Variants in KDM7A observed in about 807,000 individuals in gnomAD.
KDM7A encodes lysine-specific demethylase 7A.
Under a neutral mutation model 114.8 loss-of-function variants are expected in KDM7A, and 28 were observed. That is an observed-to-expected ratio of 0.24 (90% CI 0.18 to 0.33). The LOEUF (loss-of-function observed/expected upper bound fraction) is 0.33, where lower values mean the gene tolerates loss of function less well. Ranked by LOEUF, KDM7A falls within the 10% of genes least tolerant of loss-of-function variation. The probability of loss-of-function intolerance (pLI) is 1.00; values close to 1 mark genes in which losing one functional copy is unlikely to be tolerated. For missense variants in KDM7A, 942 were observed against 1,142.5 expected (o/e 0.82, Z 2.53); for synonymous variants, 423 against 397.8 (o/e 1.06, Z -0.75).
intron 1 of KDM7A, among the ~76,000 whole-genome samples, chr7:140,167,169 T>C (rs1794585885): frequency 6.6e-6 from 1 of 152,184 alleles, no homozygotes; most frequent in Non-Finnish European, 1.5e-5. Context: ...ATTATTAACA[T>C]ATCAGCTCTC....
At chr7:140,104,472 C>T (rs998626660) in intron 11 of KDM7A, among the ~76,000 whole-genome samples, 14 of 152,240 alleles carry the variant, frequency 9.2e-5, no homozygotes, top group South Asian at 6.2e-4. Flanking sequence ...CCATCTTGAA[C>T]TAATTTTTGC....
At chr7:140,117,553 A>AG (rs1308144220) in intron 9 of KDM7A, among the ~76,000 whole-genome samples, 2 of 152,168 alleles carry the variant, frequency 1.3e-5, no homozygotes, top group African/African-American at 2.4e-5. Context: ...GAGAGAAAAG[A>AG]GGGGAGAAAG....
At chr7:140,170,351 C>G (rs1392148216) in intron 1 of KDM7A, among the ~76,000 whole-genome samples, 1 of 152,026 alleles carries the variant, frequency 6.6e-6, no homozygotes, top group Non-Finnish European at 1.5e-5. Context: ...TCTTCAGAAC[C>G]CTGCCTCAAC....
intron 2 of KDM7A, among the ~76,000 whole-genome samples, 178 bp from the exon 3 acceptor site, chr7:140,133,834 CA>C (rs1005605781): frequency 6.6e-6 from 1 of 152,126 alleles, no homozygotes; most frequent in African/African-American, 2.4e-5. Flanking sequence ...CAATTACAGA[CA>C]ATTAACTGTG....
chr7:140,098,579 A>G (rs1043334813), intron 14 of KDM7A, among the ~76,000 whole-genome samples: 2 of 152,178 alleles, frequency 1.3e-5, no homozygotes, highest in Non-Finnish European at 2.9e-5. Flanking sequence ...TATTTTGGGG[A>G]GTAGAGGCCT....
chr7:140,103,646 C>A (rs557610042), intron 11 of KDM7A, among the ~76,000 whole-genome samples: 3 of 152,184 alleles, frequency 2.0e-5, no homozygotes, highest in Middle Eastern at 3.4e-3. Flanking sequence ...TGAACTCATC[C>A]TTTTTTTGGC....
rs1818135746 is a variant in KDM7A, at chr7:140,097,557, C to G, written c.2004G>C (p.Glu668Asp). 2 of 1,588,642 alleles carry G rather than the reference C, an allele frequency of 1.3e-6. No homozygotes were observed. Among genetic ancestry groups the G allele is most frequent in the Non-Finnish European group, 1.7e-6 (2 of 1,157,244 alleles). Reference protein sequence around the residue: ...DISESEDSGPECTALKSIFTT... With the variant: ...DISESEDSGPDCTALKSIFTT... ...GTCTCAGGCGTACCAGTGCAGTGCA[C>G]TCGGGTCCGGAGTCTTCTGACTCAG... Residue 668 changes from glutamate (E) to aspartate (D), a missense_variant, in exon 15 of 20, where the codon GAG (glutamate) becomes GAC (aspartate). Physicochemically the swap from Glu to Asp is conservative, Grantham distance 45. Around this residue, in one of 4 missense-constraint regions of KDM7A, gnomAD observed 512 missense variants for 576.6 expected, o/e 0.89. Transcript: ENST00000397560.
chr7:140,122,697 A>G (rs1166493533), intron 7 of KDM7A, among the ~76,000 whole-genome samples: 1 of 152,168 alleles, frequency 6.6e-6, no homozygotes, highest in Non-Finnish European at 1.5e-5. Flanking sequence ...ACATCTCAAA[A>G]TGAGAGGCCT....
intron 1 of KDM7A, among the ~76,000 whole-genome samples, chr7:140,161,293 C>T (rs1395911485): frequency 6.6e-6 from 1 of 152,190 alleles, no homozygotes; most frequent in Non-Finnish European, 1.5e-5. Flanking sequence ...AGGAACACTC[C>T]CATGTGGTCC....
chr7:140,095,351 T>C (rs1004217945), intron 17 of KDM7A, among the ~76,000 whole-genome samples: 2 of 152,184 alleles, frequency 1.3e-5, no homozygotes, highest in Non-Finnish European at 2.9e-5. Flanking sequence ...AGATTTGAAT[T>C]TGAGTTCTTC....
intron 1 of KDM7A, among the ~76,000 whole-genome samples, chr7:140,159,665 G>A (rs1794496404): frequency 6.6e-6 from 1 of 152,146 alleles, no homozygotes; most frequent in Admixed American, 6.5e-5. Flanking sequence ...ACTGAGGACC[G>A]TCCTGAGGCT....
At chr7:140,147,171 T>C (rs1794348097) in intron 1 of KDM7A, among the ~76,000 whole-genome samples, 1 of 152,042 alleles carries the variant, frequency 6.6e-6, no homozygotes, top group African/African-American at 2.4e-5. Flanking sequence ...ACATTTCCAC[T>C]GACTTATGGC....
rs1220747261 is a variant in KDM7A at position 140,089,330 on chromosome 7, T to C, written c.*1764A>G. The C allele has an allele frequency of 6.6e-6, 1 of 152,222 alleles. No individual in the cohort carries two copies. The highest frequency in any genetic ancestry group is 1.9e-4 in the East Asian group (1 of 5,206). The allele number at this position is 152,222 out of a possible 1,614,324, so 9.4% of individuals were successfully genotyped here. ...GCTACTTCATAAACTATTTCATATT[T>C]ATCCCATGACATTTTGGAATGGGGA... On this transcript the variant is annotated 3_prime_UTR_variant, in exon 20 of 20. Coordinates refer to ENST00000397560, the MANE Select transcript of KDM7A (RefSeq NM_030647.2).
intron 11 of KDM7A, among the ~76,000 whole-genome samples, chr7:140,107,379 C>T (rs1033035997): frequency 6.6e-6 from 1 of 152,192 alleles, no homozygotes; most frequent in Non-Finnish European, 1.5e-5. Flanking sequence ...ATGGTCTTTA[C>T]AATTTGGCAT....
chr7:140,091,654 C>CT, intron 19 of KDM7A, 150 bp downstream of exon 19: 1 of 844,874 alleles, frequency 1.2e-6, no homozygotes. Flanking sequence ...TTCTTTGTTC[C>CT]TGTAGTAGCC....
intron 1 of KDM7A, among the ~76,000 whole-genome samples, chr7:140,161,099 C>T (rs144399987): frequency 3.3e-5 from 5 of 152,318 alleles, no homozygotes; most frequent in South Asian, 2.1e-4. Context: ...AGTTAAATTA[C>T]GTAAAAAGAC....
In KDM7A at chr7:140,160,585, A is replaced by T. The variant is rs1585166435; in HGVS notation, c.194+16159T>A. 5.9e-5 allele frequency among the ~76,000 whole-genome samples: 9 copies of T among 152,338 alleles called. 2 individuals carry two copies. Among genetic ancestry groups the T allele is most frequent in the Admixed American group, 5.9e-4 (9 of 15,302 alleles). Reference sequence around the variant, plus strand: ...CTTATCAGGATGTAATACCAAGGTAAATCAAGTAGCAGTTCCCCTAGGGCT... The same window carrying T: ...CTTATCAGGATGTAATACCAAGGTATATCAAGTAGCAGTTCCCCTAGGGCT... On this transcript the variant is annotated intron_variant, in intron 1 of 19. Transcript: ENST00000397560.
chr7:140,165,286 G>A (rs1317123965), intron 1 of KDM7A, among the ~76,000 whole-genome samples: 1 of 152,036 alleles, frequency 6.6e-6, no homozygotes, highest in Non-Finnish European at 1.5e-5. Context: ...CAGAGCCAGT[G>A]GTGTTTTTTA....
At chr7:140,137,183 T>C (rs1391921312) in intron 2 of KDM7A, among the ~76,000 whole-genome samples, 2 of 152,138 alleles carry the variant, frequency 1.3e-5, no homozygotes, top group South Asian at 2.1e-4. Flanking sequence ...GACCAGAAGA[T>C]AGTCAATGCC....
Sources: allele counts gnomAD v4.1 joint callset (sites outside exome capture counted in the v4.1 genomes callset), GRCh38; gene constraint gnomAD v4.1.1; regional missense constraint gnomAD v4.1.1; transcripts MANE v1.5; gene names NCBI Gene and HGNC (gene_info 2026-07-23, HGNC 2026-07-21).